The following COX17 variants were observed in gnomAD, a reference collection of about 807,000 sequenced individuals.
COX17 encodes the protein cytochrome c oxidase copper chaperone COX17.
A neutral mutation model predicts 6.3 loss-of-function variants in COX17; 1 was observed. The observed-to-expected ratio is 0.16, with a 90% confidence interval of 0.06 to 0.75. The LOEUF (loss-of-function observed/expected upper bound fraction) is 0.75. Among genes scored for constraint, COX17 ranks in the 30% least tolerant of loss-of-function variants. The pLI, the probability that COX17 is intolerant of heterozygous loss-of-function variation, is 0.77. For synonymous variants in COX17, 26 were observed against 30.5 expected (o/e 0.85, Z 0.49); for missense variants, 73 against 81.2 (o/e 0.90, Z 0.39).
rs2053083331 is a variant in COX17, at chr3:119,674,841, T to C, written c.*4+304A>G. The C allele has an allele frequency of 7.5e-6, 2 of 265,186 alleles. 1 individual carries two copies. The highest frequency in any genetic ancestry group is 1.7e-4 in the South Asian group (2 of 11,742). 16.4% of individuals were successfully genotyped at this position (265,186 alleles called of 1,614,324 possible). On this transcript the variant is annotated intron_variant, in intron 2 of 2. Coordinates refer to ENST00000261070, the MANE Select transcript of COX17 (RefSeq NM_005694.2). Reference sequence around the variant, plus strand: ...ATTTACTGAAGTCCCACAATATTTATTAGAAACAAGAAAGAGAATATGTTT... The same window carrying C: ...ATTTACTGAAGTCCCACAATATTTACTAGAAACAAGAAAGAGAATATGTTT...
intron 2 of COX17, among the ~76,000 whole-genome samples, chr3:119,671,897 A>G (rs2053047910): frequency 6.6e-6 from 1 of 152,198 alleles, no homozygotes; most frequent in Non-Finnish European, 1.5e-5. Context: ...CCTGGGACCA[A>G]TAAGGATCCA....
downstream of COX17, among the ~76,000 whole-genome samples, chr3:119,668,633 T>C (rs922937548): frequency 1.2e-4 from 18 of 151,814 alleles, no homozygotes; most frequent in Non-Finnish European, 5.9e-5. Context: ...CCTAAGTCTG[T>C]CATACATCAA....
chr3:119,672,779 AAAT>A (rs2107834108), intron 2 of COX17, among the ~76,000 whole-genome samples: 1 of 152,354 alleles, frequency 6.6e-6, no homozygotes, highest in South Asian at 2.1e-4. Flanking sequence ...CTCTTTTTAT[AAAT>A]AATAAGTGAA....
chr3:119,664,871 T>A (rs928384309), downstream of COX17, among the ~76,000 whole-genome samples: 3 of 152,194 alleles, frequency 2.0e-5, no homozygotes, highest in Non-Finnish European at 4.4e-5. Context: ...CTTCACCACA[T>A]ACAGTTTGAG....
At chr3:119,666,381 T>G (rs1043285957), downstream of COX17, among the ~76,000 whole-genome samples, 1 of 152,158 alleles carries the variant, frequency 6.6e-6, no homozygotes, top group African/African-American at 2.4e-5. Flanking sequence ...TTGGATGAAA[T>G]CAGTGACCCT....
intron 2 of COX17, chr3:119,674,795 CAA>C (rs58394788): frequency 0.023 from 3,149 of 134,318 alleles, no homozygotes; most frequent in South Asian, 0.071. Flanking sequence ...GACCCTGTCT[CAA>C]AAAAAAAAAA....
At chr3:119,669,960 C>T (rs1199893157) in intron 2 of COX17, among the ~76,000 whole-genome samples, 3 of 152,088 alleles carry the variant, frequency 2.0e-5, no homozygotes, top group Non-Finnish European at 4.4e-5. Context: ...TTGAGAAATA[C>T]ATATTTCTCA....
At position 119,673,154 on chromosome 3, in the gene COX17, G is replaced by A. The variant is rs932404102; in HGVS notation, c.*4+1991C>T. 1.2e-4 allele frequency among the ~76,000 whole-genome samples: 18 copies of A among 152,256 alleles called. No individual in the cohort carries two copies. The South Asian group carries it at 1.2e-3, about 11-fold the overall frequency. ...GTAGGGGCAAAAAGCAGAGGGAATC[G>A]GCATGGAGACTGAGGCTCCAGTTCT... On this transcript the variant is annotated intron_variant, in intron 2 of 2. Transcript: ENST00000261070.
At chr3:119,676,543 T>G (rs2053101886) in intron 1 of COX17, among the ~76,000 whole-genome samples, 1 of 152,234 alleles carries the variant, frequency 6.6e-6, no homozygotes, top group African/African-American at 2.4e-5. Flanking sequence ...TTCTTAATAC[T>G]TTGTCCCCTG....
intron 2 of COX17, among the ~76,000 whole-genome samples, chr3:119,670,492 C>G (rs934187343): frequency 6.6e-6 from 1 of 152,144 alleles, no homozygotes; most frequent in East Asian, 1.9e-4. Context: ...AGCCATTCAA[C>G]CTTTCAATTA....
chr3:119,665,651 G>C (rs1460467352), downstream of COX17, among the ~76,000 whole-genome samples: 1 of 152,202 alleles, frequency 6.6e-6, no homozygotes, highest in African/African-American at 2.4e-5. Context: ...TGGGATTACA[G>C]GCATGAGCCA....
intron 3 of COX17, among the ~76,000 whole-genome samples, chr3:119,664,340 T>A (rs1475108167): frequency 1.3e-5 from 2 of 152,198 alleles, no homozygotes; most frequent in African/African-American, 4.8e-5. Context: ...GGCAACATAG[T>A]GAGACCACTG....
chr3:119,677,360 C>T lies in COX17; in HGVS notation c.-50G>A, dbSNP rs781099452. 9 of 1,467,430 alleles carry T rather than the reference C, an allele frequency of 6.1e-6. No individual in the cohort carries two copies. Among genetic ancestry groups the T allele is most frequent in the Non-Finnish European group, 4.7e-6 (5 of 1,058,096 alleles). The allele number at this position is 1,467,430 out of a possible 1,614,324, so 90.9% of individuals were successfully genotyped here. A position where few individuals can be genotyped will look rare whatever the true frequency, so the allele number is the denominator to read the frequency against. ...GCGGAGACAGCCAAATCTATGCCAG[C>T]CTCGGCAAACGCCGATTCGTCCGCA... On this transcript the variant is annotated 5_prime_UTR_variant, in exon 1 of 3. Transcript: ENST00000261070.
At chr3:119,675,375 TTTG>T (rs2053089469) in intron 1 of COX17, 142 bp from the exon 2 acceptor site, 1 of 612,162 alleles carries the variant, frequency 1.6e-6, no homozygotes, top group African/African-American at 1.8e-5. Flanking sequence ...CTCAAACAGC[TTTG>T]TTTTTATTTG....
intron 2 of COX17, among the ~76,000 whole-genome samples, chr3:119,673,108 T>C (rs1300260472): frequency 2.6e-5 from 4 of 152,082 alleles, no homozygotes; most frequent in Non-Finnish European, 5.9e-5. Context: ...TTAAAAGTGG[T>C]AGTGTGGTGT....
At chr3:119,667,163 T>C (rs1313414358), downstream of COX17, among the ~76,000 whole-genome samples, 1 of 152,196 alleles carries the variant, frequency 6.6e-6, no homozygotes, top group East Asian at 1.9e-4. Flanking sequence ...AATATATCCG[T>C]ATTGAGTTGT....
At chr3:119,669,970 A>G (rs1402008288) in intron 2 of COX17, among the ~76,000 whole-genome samples, 1 of 152,166 alleles carries the variant, frequency 6.6e-6, no homozygotes, top group Non-Finnish European at 1.5e-5. Context: ...CATATTTCTC[A>G]AAAATATCCT....
rs142950545 is a variant in COX17, at chr3:119,673,046, G to C, written c.*4+2099C>G. Among the ~76,000 whole-genome samples, 511 of 152,302 alleles carry C rather than the reference G, an allele frequency of 3.4e-3. 6 individuals carry two copies. The highest frequency in any genetic ancestry group is 0.011 in the African/African-American group (449 of 41,568). On this transcript the variant is annotated intron_variant, in intron 2 of 2. Transcript: ENST00000261070. ...CAAGGGAAAGAAGCCAGGCTCTCTA[G>C]TACTAATATATTGGCATATGGCTTT...
downstream of COX17, chr3:119,666,782 T>A (rs932929592): frequency 3.3e-5 from 5 of 152,210 alleles, no homozygotes; most frequent in Admixed American, 2.0e-4. Flanking sequence ...GATTCACACA[T>A]GAATTATCAA....
Sources: allele counts gnomAD v4.1 joint callset (sites outside exome capture counted in the v4.1 genomes callset), GRCh38; gene constraint gnomAD v4.1.1; transcripts MANE v1.5; gene names NCBI Gene and HGNC (gene_info 2026-07-23, HGNC 2026-07-21).